The following SMOC2 variants were observed in gnomAD, a reference collection of about 807,000 sequenced individuals.
SMOC2 encodes the protein SPARC-related modular calcium-binding protein 2.
SMOC2 carries 39 observed loss-of-function variants against 61.4 expected under a neutral mutation model. That is an observed-to-expected ratio of 0.64 (90% CI 0.49 to 0.83). The LOEUF is 0.83. Among genes scored for constraint, SMOC2 ranks in the 40% least tolerant of loss-of-function variants. The pLI is 0.00. For missense variants in SMOC2, 556 were observed against 592.9 expected, an observed-to-expected ratio of 0.94 and a Z score of 0.65; for synonymous variants, 247 against 239.9, an observed-to-expected ratio of 1.03 and a Z score of -0.27.
In SMOC2 at chr6:168,542,628, G is replaced by C. The variant is rs73258973; in HGVS notation, c.464-997G>C. 1.4e-3 allele frequency among the ~76,000 whole-genome samples: 214 copies of C among 152,198 alleles called. 2 individuals are homozygous for C. Among genetic ancestry groups the C allele is most frequent in the African/African-American group, 4.8e-3 (198 of 41,542 alleles). The stretch of plus-strand genomic sequence containing the variant: ...CATAGGAACCGTTGACATGTGTTTA[G>C]GGGTGTCTGGGCACTGTGACCTCGA... On this transcript the variant is annotated intron_variant, in intron 4 of 12. Coordinates refer to ENST00000356284, the MANE Select transcript of SMOC2 (RefSeq NM_001166412.2).
intron 2 of SMOC2, among the ~76,000 whole-genome samples, chr6:168,518,897 G>C (rs536926895): frequency 2.0e-5 from 3 of 150,958 alleles, no homozygotes; most frequent in East Asian, 3.9e-4. Context: ...ATGCGTGTGT[G>C]TGCGTGCATG....
At chr6:168,607,154 G>A (rs1320526695) in intron 8 of SMOC2, among the ~76,000 whole-genome samples, 1 of 152,054 alleles carries the variant, frequency 6.6e-6, no homozygotes. Flanking sequence ...CACAGTGAAG[G>A]ATTTCTGTGT....
intron 7 of SMOC2, among the ~76,000 whole-genome samples, chr6:168,573,031 G>T (rs1439222568): frequency 9.7e-6 from 1 of 103,408 alleles, no homozygotes; most frequent in Admixed American, 8.6e-5. Flanking sequence ...CCCTGAACGC[G>T]ATGTTCATTT....
At chr6:168,459,595 GGTGA>G (rs1781671584) in intron 1 of SMOC2, among the ~76,000 whole-genome samples, 1 of 144,452 alleles carries the variant, frequency 6.9e-6, no homozygotes, top group African/African-American at 2.6e-5. Context: ...CCCTGGGGTG[GGTGA>G]GCACTGGGGT....
chr6:168,639,868 G>A (rs1355999256), intron 9 of SMOC2, among the ~76,000 whole-genome samples: 3 of 152,168 alleles, frequency 2.0e-5, no homozygotes, highest in Admixed American at 6.5e-5. Flanking sequence ...TGAATCCCTG[G>A]TGTGACCCCG....
At chr6:168,536,299 T>G (rs1783732190) in intron 4 of SMOC2, among the ~76,000 whole-genome samples, 1 of 152,124 alleles carries the variant, frequency 6.6e-6, no homozygotes, top group South Asian at 2.1e-4. Flanking sequence ...GGGCCCCTCC[T>G]GATCCCGGGT....
chr6:168,627,373 T>A (rs768774507), intron 9 of SMOC2, among the ~76,000 whole-genome samples: 2 of 152,214 alleles, frequency 1.3e-5, no homozygotes, highest in Non-Finnish European at 2.9e-5. Flanking sequence ...TGTTTTAATA[T>A]CAGGAATTGG....
At position 168,504,811 on chromosome 6, in the gene SMOC2, C is replaced by G. The variant is rs377764720; in HGVS notation, c.85-5104C>G. Among the ~76,000 whole-genome samples the G allele has an allele frequency of 2.0e-5, 3 of 152,138 alleles. No individual in the cohort carries two copies. The South Asian group carries it at 6.2e-4, about 32-fold the overall frequency. Reference sequence around the variant, plus strand: ...CATCCTCCTGGAGGCTGGTAGAATGCCTTTTACAGAGAGGGGTCACTTAAT... The same window carrying G: ...CATCCTCCTGGAGGCTGGTAGAATGGCTTTTACAGAGAGGGGTCACTTAAT... On this transcript the variant is annotated intron_variant, in intron 1 of 12. Coordinates refer to ENST00000356284, the MANE Select transcript of SMOC2 (RefSeq NM_001166412.2).
At chr6:168,462,442 C>T (rs1781737120) in intron 1 of SMOC2, among the ~76,000 whole-genome samples, 1 of 152,098 alleles carries the variant, frequency 6.6e-6, no homozygotes, top group Admixed American at 6.5e-5. Context: ...CCAGGTCCTT[C>T]CAGCTCAGCC....
intron 1 of SMOC2, among the ~76,000 whole-genome samples, chr6:168,455,621 T>G (rs2114997646): frequency 6.6e-6 from 1 of 152,364 alleles, no homozygotes; most frequent in South Asian, 2.1e-4. Context: ...ACACAGATTT[T>G]ATAAAATGTA....
At chr6:168,646,370 T>C (rs1383609924) in intron 9 of SMOC2, among the ~76,000 whole-genome samples, 2 of 152,158 alleles carry the variant, frequency 1.3e-5, no homozygotes, top group Non-Finnish European at 2.9e-5. Context: ...TCTCCTGTGT[T>C]TGAGTTCCTT....
At chr6:168,627,128 C>A (rs1014294616) in intron 9 of SMOC2, among the ~76,000 whole-genome samples, 3 of 152,154 alleles carry the variant, frequency 2.0e-5, no homozygotes, top group Non-Finnish European at 4.4e-5. Flanking sequence ...GAAACACACC[C>A]CCAGCTCCTG....
At position 168,526,375 on chromosome 6, in the gene SMOC2, T is replaced by A. The variant is rs778122016; in HGVS notation, c.286T>A (p.Tyr96Asn). ...DVSRCVAERK[Y>N]TQEQARKEFQ... ...GTCCAGGTGTGTGGCCGAAAGGAAG[T>A]ATACCCAGGAGCAAGCCCGGAAGGA... Residue 96 changes from tyrosine (Y) to asparagine (N), a missense_variant, in exon 3 of 13, where the codon TAT becomes AAT. Tyr to Asn is a moderately radical substitution (Grantham distance 143, BLOSUM62 -2). Coordinates refer to ENST00000356284, the MANE Select transcript of SMOC2 (RefSeq NM_001166412.2). The A allele has an allele frequency of 2.5e-6, 4 of 1,614,110 alleles. No homozygotes were observed. In the African/African-American group the frequency reaches 5.3e-5, roughly 22 times the overall value.
chr6:168,527,552 G>A, intron 3 of SMOC2, 76 bp from the exon 4 acceptor site: 1 of 1,055,756 alleles, frequency 9.5e-7, no homozygotes, highest in South Asian at 1.4e-5. Context: ...GCCGCAGAAA[G>A]CAGAGTGGGC....
At chr6:168,549,510 A>C (rs1200598402) in intron 7 of SMOC2, among the ~76,000 whole-genome samples, 1 of 152,228 alleles carries the variant, frequency 6.6e-6, no homozygotes, top group Non-Finnish European at 1.5e-5. Flanking sequence ...TAAGGAATAG[A>C]AAATATATTT....
chr6:168,604,570 G>A (rs1785638692), intron 8 of SMOC2, among the ~76,000 whole-genome samples: 1 of 152,116 alleles, frequency 6.6e-6, no homozygotes, highest in African/African-American at 2.4e-5. Flanking sequence ...AGCAGCCCCA[G>A]GGAGATACTT....
chr6:168,567,691 C>T (rs776792433), intron 7 of SMOC2, among the ~76,000 whole-genome samples: 35 of 152,118 alleles, frequency 2.3e-4, no homozygotes, highest in Non-Finnish European at 4.4e-4. Flanking sequence ...GAAGCATTTC[C>T]GAGACTAGAG....
In SMOC2 at chr6:168,549,172, A is replaced by G. The variant is rs1784073753; in HGVS notation, c.606A>G (p.Lys202=). 1.2e-6 allele frequency: 2 copies of G among 1,614,194 alleles called. No individual in the cohort carries two copies. Among genetic ancestry groups the G allele is most frequent in the East Asian group, 4.5e-5 (2 of 44,878 alleles). Residue 202 remains lysine, a synonymous_variant, in exon 7 of 13, where the codon AAA becomes AAG. Coordinates refer to ENST00000356284, the MANE Select transcript of SMOC2 (RefSeq NM_001166412.2). ...CTACCCTTTGGACTGAACAGGTTAA[A>G]AGTCGGCAGAACAAAACCAATAAGA... ...RYPTLWTEQV[K]SRQNKTNKNS... is the part of the protein sequence containing the mutation.
At chr6:168,599,630 ACACC>A (rs1785474677) in intron 8 of SMOC2, among the ~76,000 whole-genome samples, 25 of 19,940 alleles carry the variant, frequency 1.3e-3, no homozygotes, top group African/African-American at 4.0e-3. Flanking sequence ...CATACCACAC[ACACC>A]CACACCCACA....
Sources: allele counts gnomAD v4.1 joint callset (sites outside exome capture counted in the v4.1 genomes callset), GRCh38; gene constraint gnomAD v4.1.1; transcripts MANE v1.5; gene names NCBI Gene and HGNC (gene_info 2026-07-23, HGNC 2026-07-21).